The following CDK20 variants were observed in gnomAD, a reference collection of about 807,000 sequenced individuals.
CDK20 encodes cyclin dependent kinase 20.
In CDK20, 40 loss-of-function variants were observed where a neutral mutation model predicts 38.6. That is an observed-to-expected ratio of 1.04 (90% confidence interval 0.81 to 1.35). The LOEUF (loss-of-function observed/expected upper bound fraction) is 1.35, where lower values mean the gene tolerates loss of function less well. Among genes scored for constraint, CDK20 ranks in the 40% most tolerant of loss-of-function variants. The pLI, the probability that CDK20 is intolerant of heterozygous loss-of-function variation, is 0.00. For synonymous variants in CDK20, 209 were observed against 185.7 expected (o/e 1.13, Z -1.02); for missense variants, 512 against 452.6 (o/e 1.13, Z -1.19).
At chr9:87,969,430 CT>C in intron 6 of CDK20, 81 bp from the exon 7 acceptor site, 1 of 1,452,154 alleles carries the variant, frequency 6.9e-7, no homozygotes, top group Non-Finnish European at 9.5e-7. Flanking sequence ...CTCTCAGCCC[CT>C]AACACACACT....
At chr9:87,970,232 T>G (rs1829752920) in intron 5 of CDK20, 2 of 439,386 alleles carry the variant, frequency 4.6e-6, no homozygotes, top group Admixed American at 7.8e-5. Flanking sequence ...GCTCAGAGCT[T>G]TCATGTCCAA....
Position 87,969,296 on chromosome 9 carries a change from G to A in CDK20, c.741C>T (p.Pro247=). The stretch of plus-strand genomic sequence containing the variant: ...CAGGCAGCACCTCCTCCAGGGGCAT[G>A]GGCACCTGCTCCTTAAAGGAGATCT... ...YNKISFKEQV[P]MPLEEVLPDV... Residue 247 remains proline (P), a synonymous_variant, in exon 7 of 8, where the codon CCC becomes CCT. Coordinates refer to ENST00000325303, the MANE Select transcript of CDK20 (RefSeq NM_001039803.3). 1 of 1,613,948 alleles carries A rather than the reference G, an allele frequency of 6.2e-7. No individual in the cohort carries two copies. Among genetic ancestry groups the A allele is most frequent in the East Asian group, 2.2e-5 (1 of 44,866 alleles).
Position 87,969,844 on chromosome 9 carries a change from A to G in CDK20, c.639T>C (p.Leu213=), listed in dbSNP as rs763947744. 16 of 1,612,888 alleles carry G rather than the reference A, an allele frequency of 9.9e-6. No homozygotes were observed. The highest frequency in any genetic ancestry group is 1.2e-5 in the Non-Finnish European group (14 of 1,179,528). The change falls in exon 6 of 8, where the codon CTT becomes CTC. Residue 213 remains leucine (L), a synonymous_variant. Coordinates refer to ENST00000325303, the MANE Select transcript of CDK20 (RefSeq NM_001039803.3). ...LFPGKNDIEQ[L]CYVLRILGTP... is the part of the protein sequence containing the mutation. ...TGCCCAAGATGCGAAGCACATAGCA[A>G]AGCTGTTCAATATCGTTCTTGCCCG...
rs758278980 is a variant in CDK20, at chr9:87,969,238, G to C, written c.799C>G (p.Gln267Glu). 9.9e-6 allele frequency: 16 copies of C among 1,613,946 alleles called. No homozygotes were observed. The highest frequency in any genetic ancestry group is 1.3e-5 in the Non-Finnish European group (15 of 1,179,984). Residue 267 changes from glutamine to glutamate, a missense_variant, in exon 7 of 8, where the codon CAA (glutamine) becomes GAA (glutamate). Coordinates refer to ENST00000325303, the MANE Select transcript of CDK20 (RefSeq NM_001039803.3). ...VSPQALDLLG[Q>E]FLLYPPHQRI... is the part of the protein sequence containing the mutation. ...TGGTGAGGAGGGTAGAGAAGGAATTGACCCAGCAGATCCAATGCCTGGGGA... is the reference window on the plus strand; with the variant it reads ...TGGTGAGGAGGGTAGAGAAGGAATTCACCCAGCAGATCCAATGCCTGGGGA...
In CDK20 at chr9:87,966,672, A is replaced by T. The variant is rs1829457426; in HGVS notation, c.*790T>A. The stretch of plus-strand genomic sequence containing the variant: ...ATTCCAGGAACGCTTGTTTCCTTAA[A>T]TACACAGCTGCTTCTGGCTCACGCT... On this transcript the variant is annotated 3_prime_UTR_variant, in exon 8 of 8. Transcript: ENST00000325303. The T allele has an allele frequency of 1.7e-5, 3 of 178,216 alleles. No individual in the cohort carries two copies. The highest frequency in any genetic ancestry group is 3.6e-5 in the Non-Finnish European group (3 of 82,462). The allele number at this position is 178,216 out of a possible 1,614,324, so 11.0% of individuals were successfully genotyped here.
chr9:87,974,087 G>A, intron 1 of CDK20, 52 bp from the exon 2 acceptor site: 1 of 1,611,934 alleles, frequency 6.2e-7, no homozygotes, highest in Middle Eastern at 1.7e-4. Flanking sequence ...GGGAAAGAGA[G>A]ATGAAGGTGG....
chr9:87,967,873 G>T (rs1829539980), intron 7 of CDK20: 1 of 518,580 alleles, frequency 1.9e-6, no homozygotes, highest in Admixed American at 3.5e-5. Flanking sequence ...AAGTGAGGGT[G>T]GGGGGTAATA....
rs1829470511 is a variant in CDK20 at position 87,966,916 on chromosome 9, C to T, written c.*546G>A. 5.1e-6 allele frequency: 2 copies of T among 390,134 alleles called. No homozygotes were observed. Among genetic ancestry groups the T allele is most frequent in the Admixed American group, 5.9e-5 (2 of 34,148 alleles). 24.2% of individuals were successfully genotyped at this position (390,134 alleles called of 1,614,324 possible). A position where few individuals can be genotyped will look rare whatever the true frequency, so the allele number is the denominator to read the frequency against. On this transcript the variant is annotated 3_prime_UTR_variant, in exon 8 of 8. Transcript: ENST00000325303. ...AAAAACGAGAGCCATGAGACAATGC[C>T]ACCTTAGCCATTTCCCTTGAGAGAA...
In CDK20 at chr9:87,966,521, C is replaced by T. The variant is rs375493145; in HGVS notation, c.*941G>A. 2 of 156,684 alleles carry T rather than the reference C, an allele frequency of 1.3e-5. No individual in the cohort carries two copies. Among genetic ancestry groups the T allele is most frequent in the East Asian group, 1.9e-4 (1 of 5,348 alleles). The allele number at this position is 156,684 out of a possible 1,614,324, so 9.7% of individuals were successfully genotyped here. A position where few individuals can be genotyped will look rare whatever the true frequency, so the allele number is the denominator to read the frequency against. On this transcript the variant is annotated 3_prime_UTR_variant, in exon 8 of 8. Transcript: ENST00000325303. ...TGGTATCTGATACCGTAAGTCCTTCCATCATTTCCTCTTCTGCATCTGGTT... is the reference window on the plus strand; with the variant it reads ...TGGTATCTGATACCGTAAGTCCTTCTATCATTTCCTCTTCTGCATCTGGTT...
At position 87,967,323 on chromosome 9, in the gene CDK20, C is replaced by T. The variant is rs1186464184; in HGVS notation, c.*139G>A. The T allele has an allele frequency of 4.6e-6, 4 of 860,662 alleles. No individual in the cohort carries two copies. The highest frequency in any genetic ancestry group is 3.8e-6 in the Non-Finnish European group (2 of 521,154). 53.3% of individuals were successfully genotyped at this position (860,662 alleles called of 1,614,324 possible). A position where few individuals can be genotyped will look rare whatever the true frequency, so the allele number is the denominator to read the frequency against. ...ACCTCTGCCTCGAGACCAACCCTCG[C>T]AAGGGCTAAGGGGCAGGGTGTGGTG... is the stretch of plus-strand genomic sequence containing the variant. On this transcript the variant is annotated 3_prime_UTR_variant, in exon 8 of 8. Coordinates refer to ENST00000325303, the MANE Select transcript of CDK20 (RefSeq NM_001039803.3).
chr9:87,972,679 C>T (rs745865475), intron 2 of CDK20, among the ~76,000 whole-genome samples: 17 of 152,192 alleles, frequency 1.1e-4, no homozygotes, highest in Non-Finnish European at 2.2e-4. Context: ...CACTGTCATT[C>T]TGATGAGTGG....
intron 2 of CDK20, among the ~76,000 whole-genome samples, chr9:87,973,682 A>G (rs1016038635): frequency 2.0e-5 from 3 of 152,206 alleles, no homozygotes; most frequent in African/African-American, 4.8e-5. Context: ...ACATTAAGAA[A>G]TAAGTAGGCA....
At chr9:87,970,398 TAGTG>T (rs1371476363) in intron 5 of CDK20, 166 bp downstream of exon 5, 4 of 627,666 alleles carry the variant, frequency 6.4e-6, no homozygotes, top group Non-Finnish European at 1.1e-5. Context: ...GAAAACATCA[TAGTG>T]AGGAACCCCA....
chr9:87,969,639 GA>G, intron 6 of CDK20, 156 bp downstream of exon 6: 1 of 1,186,334 alleles, frequency 8.4e-7, no homozygotes, highest in Non-Finnish European at 1.2e-6. Context: ...ATGACAGCAG[GA>G]AGGAGGAAGC....
intron 2 of CDK20, among the ~76,000 whole-genome samples, chr9:87,972,968 A>G (rs1271307526): frequency 2.0e-5 from 3 of 152,230 alleles, no homozygotes; most frequent in Non-Finnish European, 4.4e-5. Flanking sequence ...AAAAAGAACA[A>G]AAGAAAAATC....
chr9:87,973,895 A>G (rs777851032), intron 2 of CDK20, 27 bp downstream of exon 2: 14 of 1,606,096 alleles, frequency 8.7e-6, no homozygotes, highest in South Asian at 6.6e-5. Flanking sequence ...GAGGGTGAGA[A>G]TACCATGCCC....
At chr9:87,974,318 G>T in intron 1 of CDK20, 54 bp downstream of exon 1, 2 of 1,548,730 alleles carry the variant, frequency 1.3e-6, no homozygotes, top group Non-Finnish European at 1.8e-6. Flanking sequence ...AGCGTTAGCC[G>T]GAGGGTGGCG....
chr9:87,971,075 T>C lies in CDK20; in HGVS notation c.378+72A>G, dbSNP rs1829817404. 15 of 1,541,116 alleles carry C rather than the reference T, an allele frequency of 9.7e-6. No individual in the cohort carries two copies. In the South Asian group the frequency reaches 1.4e-4, roughly 15 times the overall value. Reference sequence around the variant, plus strand: ...TGTCCCAACTTCTTATCACACCTTTTACAAGGGCTAGCCCCATCCCCAAGC... The same window carrying C: ...TGTCCCAACTTCTTATCACACCTTTCACAAGGGCTAGCCCCATCCCCAAGC... On this transcript the variant is annotated intron_variant, in intron 3 of 7. Transcript: ENST00000325303.
chr9:87,970,299 C>T, intron 5 of CDK20: 1 of 511,466 alleles, frequency 2.0e-6, no homozygotes, highest in East Asian at 3.1e-5. Context: ...AACTCCAGCA[C>T]ATATCGGCTC....
Sources: allele counts gnomAD v4.1 joint callset (sites outside exome capture counted in the v4.1 genomes callset), GRCh38; gene constraint gnomAD v4.1.1; transcripts MANE v1.5; gene names NCBI Gene and HGNC (gene_info 2026-07-23, HGNC 2026-07-21).